The following CDH8 variants were observed in gnomAD, a reference collection of about 807,000 sequenced individuals.
CDH8 encodes cadherin-8.
In CDH8, 17 loss-of-function variants were observed where a neutral mutation model predicts 68.1. That is an observed-to-expected ratio of 0.25 (90% CI 0.17 to 0.37). The LOEUF is 0.37. Among genes scored for constraint, CDH8 ranks in the 10% least tolerant of loss-of-function variants. The pLI, the probability that CDH8 is intolerant of heterozygous loss-of-function variation, is 1.00. For synonymous variants in CDH8, 372 were observed against 365.1 expected, an observed-to-expected ratio of 1.02 and a Z score of -0.21; for missense variants, 763 against 999.3, an observed-to-expected ratio of 0.76 and a Z score of 3.19.
chr16:61,684,130 A>G (rs531094879), intron 10 of CDH8, among the ~76,000 whole-genome samples: 6 of 152,072 alleles, frequency 3.9e-5, no homozygotes, highest in East Asian at 3.9e-4. Flanking sequence ...TTACAAATAT[A>G]TGGGATTTTG....
At chr16:61,842,680 C>A (rs951339193) in intron 4 of CDH8, among the ~76,000 whole-genome samples, 1 of 152,124 alleles carries the variant, frequency 6.6e-6, no homozygotes, top group African/African-American at 2.4e-5. Context: ...ACTTTTCCTG[C>A]CTCTTCACCT....
rs3069985 is a variant in CDH8, at chr16:61,854,129, T to TACAC, written c.667+2986_667+2989dup. Among the ~76,000 whole-genome samples, 89 of 145,714 alleles carry TACAC rather than the reference T, an allele frequency of 6.1e-4. 1 individual carries two copies. Among genetic ancestry groups the TACAC allele is most frequent in the East Asian group, 3.1e-3 (15 of 4,846 alleles). On this transcript the variant is annotated intron_variant, in intron 4 of 11. Coordinates refer to ENST00000577390, the MANE Select transcript of CDH8 (RefSeq NM_001796.5). ...ACACACACATGCACACATATACACA[T>TACAC]ACACACACACACACACACACACACA...
chr16:61,782,177 C>T (rs1683515270), intron 8 of CDH8, among the ~76,000 whole-genome samples: 1 of 152,146 alleles, frequency 6.6e-6, no homozygotes, highest in South Asian at 2.1e-4. Context: ...ATCTGAGGTA[C>T]CGGGTTCATC....
At chr16:61,820,869 T>C (rs779959899) in intron 6 of CDH8, 57 bp downstream of exon 6, 1,017 of 1,490,270 alleles carry the variant, frequency 6.8e-4, no homozygotes, top group Non-Finnish European at 8.0e-4. Flanking sequence ...CCCTCAACTT[T>C]AAAACTCAAG....
intron 3 of CDH8, among the ~76,000 whole-genome samples, chr16:61,867,201 C>T (rs913004145): frequency 1.3e-5 from 2 of 152,060 alleles, no homozygotes; most frequent in African/African-American, 2.4e-5. Flanking sequence ...CTAACTGACA[C>T]GAAATATAAT....
intron 6 of CDH8, among the ~76,000 whole-genome samples, chr16:61,818,732 G>A (rs1357893556): frequency 2.0e-5 from 3 of 152,176 alleles, no homozygotes; most frequent in South Asian, 2.1e-4. Flanking sequence ...GAGGTTCAAA[G>A]AGACAGTATA....
At chr16:61,834,638 C>T (rs149197136) in intron 4 of CDH8, among the ~76,000 whole-genome samples, 213 of 151,918 alleles carry the variant, frequency 1.4e-3, no homozygotes, top group African/African-American at 4.9e-3. Flanking sequence ...AATATAATTA[C>T]TTGGGGATGA....
intron 3 of CDH8, among the ~76,000 whole-genome samples, chr16:61,858,682 A>G (rs1173201325): frequency 2.6e-5 from 4 of 152,136 alleles, no homozygotes. Flanking sequence ...AGTGAAAAGG[A>G]CAAAACTGGA....
chr16:61,857,250 G>C lies in CDH8; in HGVS notation c.548-12C>G. ...AGTGACAGATGTACCTAATAAAATAGAGAAAGAAAAAAGATAATAATTAAC... is the reference window on the plus strand; with the variant it reads ...AGTGACAGATGTACCTAATAAAATACAGAAAGAAAAAAGATAATAATTAAC... On this transcript the variant is annotated splice_polypyrimidine_tract_variant and intron_variant, in intron 3 of 11. Transcript: ENST00000577390. 6.2e-7 allele frequency: 1 copy of C among 1,605,378 alleles called. No individual in the cohort carries two copies. The highest frequency in any genetic ancestry group is 2.2e-5 in the East Asian group (1 of 44,586).
At chr16:61,679,437 G>A (rs149989229) in intron 10 of CDH8, among the ~76,000 whole-genome samples, 2 of 151,624 alleles carry the variant, frequency 1.3e-5, no homozygotes, top group African/African-American at 4.8e-5. Context: ...TGCATTTCTG[G>A]GCAGACCATG....
intron 2 of CDH8, among the ~76,000 whole-genome samples, chr16:61,961,396 C>T (rs1012126825): frequency 2.0e-5 from 3 of 152,122 alleles, no homozygotes; most frequent in Non-Finnish European, 4.4e-5. Context: ...TCAAACACTT[C>T]TCCGGCAAAT....
Position 62,021,534 on chromosome 16 carries a change from G to C in CDH8, c.-131C>G. The C allele has an allele frequency of 6.9e-7, 1 of 1,452,802 alleles. No homozygotes were observed. Among genetic ancestry groups the C allele is most frequent in the South Asian group, 1.6e-5 (1 of 62,566 alleles). The allele number at this position is 1,452,802 out of a possible 1,614,324, so 90.0% of individuals were successfully genotyped here. Reference sequence around the variant, plus strand: ...GCTCTGCCACGTGTCTATAGCACGGGAAACAGACATCATCTAAGCAGCTTT... The same window carrying C: ...GCTCTGCCACGTGTCTATAGCACGGCAAACAGACATCATCTAAGCAGCTTT... On this transcript the variant is annotated 5_prime_UTR_variant, in exon 2 of 12. Coordinates refer to ENST00000577390, the MANE Select transcript of CDH8 (RefSeq NM_001796.5).
Position 61,718,023 on chromosome 16 carries a change from G to T in CDH8, c.1537-4065C>A, listed in dbSNP as rs200338475. Among the ~76,000 whole-genome samples the T allele has an allele frequency of 9.9e-5, 15 of 151,478 alleles. No individual in the cohort carries two copies. The East Asian group carries it at 2.5e-3, about 26-fold the overall frequency. ...TGTACATGTGGGTGTATACGTATGT[G>T]TGAGTGTGTATAAAATGTCTGATCC... On this transcript the variant is annotated intron_variant, in intron 9 of 11. Transcript: ENST00000577390.
chr16:61,985,876 C>CCATA (rs1331072885), intron 2 of CDH8, among the ~76,000 whole-genome samples: 1 of 151,542 alleles, frequency 6.6e-6, no homozygotes, highest in Admixed American at 6.6e-5. Context: ...TTTTAAATCT[C>CCATA]CATATACATA....
rs1273637040 is a variant in CDH8, at chr16:61,919,038, C to T, written c.253-17565G>A. Among the ~76,000 whole-genome samples, 9 of 147,136 alleles carry T rather than the reference C, an allele frequency of 6.1e-5. 1 individual carries two copies. The highest frequency in any genetic ancestry group is 8.9e-5 in the Non-Finnish European group (6 of 67,224). On this transcript the variant is annotated intron_variant, in intron 2 of 11. Transcript: ENST00000577390. ...CCCCGAGCAGCCTAACTGGGAGGCA[C>T]CCCCCAGCAGGGGCATACTGACACC...
chr16:61,707,632 C>T (rs1310529226), intron 10 of CDH8, among the ~76,000 whole-genome samples: 1 of 152,148 alleles, frequency 6.6e-6, no homozygotes, highest in African/African-American at 2.4e-5. Flanking sequence ...ACTCAGGTCA[C>T]ATTAGCAGAT....
intron 3 of CDH8, among the ~76,000 whole-genome samples, chr16:61,868,400 T>C (rs772891664): frequency 6.6e-6 from 1 of 152,208 alleles, no homozygotes; most frequent in Non-Finnish European, 1.5e-5. Flanking sequence ...ATTGATCATG[T>C]TCTGAATTAT....
intron 8 of CDH8, among the ~76,000 whole-genome samples, chr16:61,777,093 G>A (rs903075656): frequency 3.9e-5 from 6 of 152,030 alleles, no homozygotes; most frequent in African/African-American, 1.4e-4. Context: ...TTATGAGCCT[G>A]GATACTTAAC....
rs1963964658 is a variant in CDH8, at chr16:61,901,216, T to C, written c.510A>G (p.Gly170=). The C allele has an allele frequency of 1.2e-6, 2 of 1,613,954 alleles. No homozygotes were observed. Among genetic ancestry groups the C allele is most frequent in the East Asian group, 4.5e-5 (2 of 44,870 alleles). The change falls in exon 3 of 12, where the codon GGA becomes GGG. Residue 170 remains glycine (G), a synonymous_variant. Coordinates refer to ENST00000577390, the MANE Select transcript of CDH8 (RefSeq NM_001796.5). ...TTTCTGGCACAGTAGCATGATAGGG[T>C]CCATTAAGAAACTCTGGTGCATTGT... ...INDNAPEFLN[G]PYHATVPEMS...
Sources: allele counts gnomAD v4.1 joint callset (sites outside exome capture counted in the v4.1 genomes callset), GRCh38; gene constraint gnomAD v4.1.1; transcripts MANE v1.5; gene names NCBI Gene and HGNC (gene_info 2026-07-23, HGNC 2026-07-21).